Variants in CDH18 observed in about 807,000 individuals in gnomAD.
CDH18 encodes cadherin-18.
CDH18 carries 31 observed loss-of-function variants against 67.9 expected under a neutral mutation model. The ratio of observed to expected loss-of-function variants is 0.46; its 90% CI spans 0.34 to 0.62. The LOEUF (loss-of-function observed/expected upper bound fraction) is 0.62. Ranked by LOEUF, CDH18 falls within the 20% of genes least tolerant of loss-of-function variation. The pLI, the probability that CDH18 is intolerant of heterozygous loss-of-function variation, is 0.01. For synonymous variants in CDH18, 362 were observed against 347.2 expected, an observed-to-expected ratio of 1.04 and a Z score of -0.48; for missense variants, 890 against 975.5, an observed-to-expected ratio of 0.91 and a Z score of 1.17.
At chr5:19,792,143 TG>T (rs1161268691) in intron 3 of CDH18, among the ~76,000 whole-genome samples, 13 of 152,134 alleles carry the variant, frequency 8.5e-5, no homozygotes, top group Non-Finnish European at 1.6e-4. Flanking sequence ...TCTATGAGAA[TG>T]TTTTTTTGAA....
intron 2 of CDH18, among the ~76,000 whole-genome samples, chr5:20,103,769 A>C (rs2150580650): frequency 6.7e-6 from 1 of 150,126 alleles, no homozygotes; most frequent in South Asian, 2.1e-4. Flanking sequence ...TGTATAATTT[A>C]ATATAGAATT....
chr5:19,868,163 ACTACAT>A (rs1447212412), intron 2 of CDH18, among the ~76,000 whole-genome samples: 3 of 152,196 alleles, frequency 2.0e-5, no homozygotes, highest in African/African-American at 7.2e-5. Context: ...TATATAAATT[ACTACAT>A]TTCAAGTGAA....
chr5:19,824,621 G>A (rs185312805), intron 3 of CDH18, among the ~76,000 whole-genome samples: 2 of 152,236 alleles, frequency 1.3e-5, no homozygotes, highest in East Asian at 1.9e-4. Context: ...CATATCCCCC[G>A]TAGAGGCCCC....
At chr5:20,515,876 A>C (rs1581137865) in intron 1 of CDH18, among the ~76,000 whole-genome samples, 1 of 152,110 alleles carries the variant, frequency 6.6e-6, no homozygotes, top group South Asian at 2.1e-4. Context: ...TATCATCAGC[A>C]GAGTCAGGAA....
Position 19,654,964 on chromosome 5 carries a change from G to A in CDH18, c.644-42363C>T, listed in dbSNP as rs1021111086. On this transcript the variant is annotated intron_variant, in intron 5 of 12. Coordinates refer to ENST00000382275, the MANE Select transcript of CDH18 (RefSeq NM_004934.5). ...TCTGTGCTCATCTGTTCAACCATGC[G>A]TCTGCTCATGGAGCCTGGGGTTTGG... Among the ~76,000 whole-genome samples the A allele has an allele frequency of 7.2e-5, 11 of 152,180 alleles. No individual in the cohort carries two copies. In the South Asian group the frequency reaches 8.3e-4, roughly 11 times the overall value.
chr5:20,426,628 A>G lies in CDH18; in HGVS notation c.-580+148834T>C, dbSNP rs111517560. Among the ~76,000 whole-genome samples, 1,211 of 151,096 alleles carry G rather than the reference A, an allele frequency of 8.0e-3. 97 individuals are homozygous for G. The highest frequency in any genetic ancestry group is 0.028 in the African/African-American group (1,143 of 40,446). On this transcript the variant is annotated intron_variant, in intron 1 of 14. Coordinates refer to the CDH18 transcript ENST00000507958. The stretch of plus-strand genomic sequence containing the variant: ...CAGTTTTAGGTCATCCTGAAGGGTA[A>G]ATTAGCCCGTCAGAGTCCTAGGCAC...
intron 1 of CDH18, among the ~76,000 whole-genome samples, chr5:20,553,440 A>T (rs1360483931): frequency 6.6e-6 from 1 of 152,184 alleles, no homozygotes; most frequent in Non-Finnish European, 1.5e-5. Flanking sequence ...TACAAAACAA[A>T]CAACAACAAA....
At chr5:20,542,723 T>C (rs770130358) in intron 1 of CDH18, among the ~76,000 whole-genome samples, 1 of 152,070 alleles carries the variant, frequency 6.6e-6, no homozygotes, top group Non-Finnish European at 1.5e-5. Context: ...TATTCTGTCT[T>C]CATTGATTTA....
intron 2 of CDH18, among the ~76,000 whole-genome samples, chr5:20,198,234 G>GA (rs2126741772): frequency 6.6e-6 from 1 of 152,314 alleles, no homozygotes; most frequent in South Asian, 2.1e-4. Flanking sequence ...ACAGACATTG[G>GA]AACAGTTTGG....
At chr5:19,607,901 A>G (rs1748321070) in intron 6 of CDH18, among the ~76,000 whole-genome samples, 1 of 151,722 alleles carries the variant, frequency 6.6e-6, no homozygotes, top group African/African-American at 2.4e-5. Context: ...ATGGAGTATT[A>G]TTAGAACTAT....
chr5:20,397,335 C>G (rs1745371327), intron 1 of CDH18, among the ~76,000 whole-genome samples: 1 of 151,982 alleles, frequency 6.6e-6, no homozygotes, highest in Non-Finnish European at 1.5e-5. Flanking sequence ...TTTTGCCACG[C>G]TGGCCGGGCT....
intron 2 of CDH18, among the ~76,000 whole-genome samples, chr5:20,243,160 TTAGA>T (rs143048916): frequency 0.011 from 1,713 of 152,200 alleles, 34 homozygotes; most frequent in African/African-American, 0.039. Flanking sequence ...TCTCTTCTAG[TTAGA>T]TAGCCAGAAT....
At chr5:20,566,761 C>A (rs922714377) in intron 1 of CDH18, among the ~76,000 whole-genome samples, 1 of 151,860 alleles carries the variant, frequency 6.6e-6, no homozygotes, top group African/African-American at 2.4e-5. Flanking sequence ...CTGTCAAGTA[C>A]AATTAAAACA....
chr5:20,338,927 A>C (rs1405254934), intron 1 of CDH18, among the ~76,000 whole-genome samples: 1 of 152,172 alleles, frequency 6.6e-6, no homozygotes, highest in Non-Finnish European at 1.5e-5. Context: ...ACTTAAAACA[A>C]GGTAAGTGTG....
In CDH18 at chr5:20,488,081, T is replaced by A. The variant is rs567077036; in HGVS notation, c.-580+87381A>T. 4.4e-4 allele frequency among the ~76,000 whole-genome samples: 67 copies of A among 152,262 alleles called. No individual in the cohort carries two copies. In the South Asian group the frequency reaches 0.014, roughly 32 times the overall value. On this transcript the variant is annotated intron_variant, in intron 1 of 14. Transcript: ENST00000507958. ...TTCTTGCAGTTCTGAAAATGTCATA[T>A]ATTTTGCTCCTGGGAAGATTCTTTT...
chr5:19,700,462 G>A (rs1580942528), intron 5 of CDH18, among the ~76,000 whole-genome samples: 1 of 152,168 alleles, frequency 6.6e-6, no homozygotes, highest in Non-Finnish European at 1.5e-5. Flanking sequence ...TATACAAACA[G>A]TGTTTGGGGA....
At chr5:19,801,742 T>C (rs956315492) in intron 3 of CDH18, among the ~76,000 whole-genome samples, 7 of 152,192 alleles carry the variant, frequency 4.6e-5, no homozygotes, top group African/African-American at 1.7e-4. Context: ...CTAAGAAAAC[T>C]ACAGCTGCAA....
chr5:19,600,596 T>G (rs1401668316), intron 6 of CDH18, among the ~76,000 whole-genome samples: 1 of 151,220 alleles, frequency 6.6e-6, no homozygotes, highest in Non-Finnish European at 1.5e-5. Flanking sequence ...TTTTCTGTCC[T>G]TTTTCTTGAA....
At chr5:19,821,522 T>C (rs1779880292) in intron 3 of CDH18, among the ~76,000 whole-genome samples, 1 of 151,986 alleles carries the variant, frequency 6.6e-6, no homozygotes, top group Admixed American at 6.5e-5. Flanking sequence ...AGTAAGCAAC[T>C]TGGAAAACAT....
Sources: allele counts gnomAD v4.1 joint callset (sites outside exome capture counted in the v4.1 genomes callset), GRCh38; gene constraint gnomAD v4.1.1; transcripts MANE v1.5; gene names NCBI Gene and HGNC (gene_info 2026-07-23, HGNC 2026-07-21).